Variants in HECA observed in about 807,000 individuals in gnomAD.
HECA encodes headcase protein homolog.
HECA carries 13 observed loss-of-function variants against 37.6 expected under a neutral mutation model. The observed-to-expected ratio is 0.35, with a 90% CI of 0.23 to 0.55. HECA has a LOEUF of 0.55. Among genes scored for constraint, HECA ranks in the 20% least tolerant of loss-of-function variants. The pLI is 0.90. For missense variants in HECA, 527 were observed against 701.9 expected (o/e 0.75, Z 2.82); for synonymous variants, 307 against 291.5 (o/e 1.05, Z -0.54).
intron 1 of HECA, among the ~76,000 whole-genome samples, chr6:139,141,780 G>A (rs1328332674): frequency 5.5e-5 from 8 of 145,554 alleles, no homozygotes; most frequent in Non-Finnish European, 8.9e-5. Context: ...TTGAGACAGA[G>A]TCTCACTATG....
chr6:139,135,638 G>T lies in HECA; in HGVS notation c.242G>T (p.Gly81Val). 2 of 974,624 alleles carry T rather than the reference G, an allele frequency of 2.1e-6. No individual in the cohort carries two copies. Among genetic ancestry groups the T allele is most frequent in the South Asian group, 9.4e-5 (2 of 21,354 alleles). 60.4% of individuals were successfully genotyped at this position (974,624 alleles called of 1,614,324 possible). The stretch of plus-strand genomic sequence containing the variant: ...GCCGCGAACGCTGCGGCCGCCGCGG[G>T]GGCTGCGGCCGCGGGCGATGCCAAA... ...TGAANAAAAA[G>V]AAAAGDAKNE... The change falls in exon 1 of 4, where the codon GGG becomes GTG. Residue 81 changes from glycine to valine, a missense_variant. By Grantham distance (109) the Gly-to-Val change is moderately radical. Around this residue, in one of 4 missense-constraint regions of HECA, gnomAD observed 172 missense variants for 197.6 expected, o/e 0.87. Coordinates refer to ENST00000367658, the MANE Select transcript of HECA (RefSeq NM_016217.3).
intron 1 of HECA, among the ~76,000 whole-genome samples, chr6:139,164,873 G>C (rs1182981287): frequency 6.9e-6 from 1 of 145,306 alleles, no homozygotes; most frequent in African/African-American, 2.6e-5. Flanking sequence ...CCTGCACTAT[G>C]AGACTCTCAG....
intron 1 of HECA, among the ~76,000 whole-genome samples, chr6:139,137,708 T>C (rs1774467446): frequency 6.6e-6 from 1 of 150,650 alleles, no homozygotes; most frequent in South Asian, 2.1e-4. Context: ...AAAAGATTAG[T>C]CCAATTTAAG....
At chr6:139,142,328 A>G (rs946036040) in intron 1 of HECA, among the ~76,000 whole-genome samples, 1 of 152,148 alleles carries the variant, frequency 6.6e-6, no homozygotes, top group African/African-American at 2.4e-5. Flanking sequence ...AAACCACAGC[A>G]TGTACTTAGG....
chr6:139,172,641 A>G (rs577138894), intron 2 of HECA, among the ~76,000 whole-genome samples: 2 of 152,182 alleles, frequency 1.3e-5, no homozygotes, highest in Non-Finnish European at 2.9e-5. Flanking sequence ...GGTCAGGACA[A>G]TGTGTAGCAG....
chr6:139,142,064 C>T (rs1774521142), intron 1 of HECA, among the ~76,000 whole-genome samples: 2 of 151,368 alleles, frequency 1.3e-5, no homozygotes, highest in South Asian at 4.2e-4. Context: ...GTAGCTGGGA[C>T]TACAGGCACC....
At chr6:139,169,527 A>C (rs1774942980) in intron 2 of HECA, 1 of 152,218 alleles carries the variant, frequency 6.6e-6, no homozygotes, top group African/African-American at 2.4e-5. Flanking sequence ...TGAGAATTGT[A>C]CCTAACTCCC....
rs1774415179 is a variant in HECA at position 139,135,265 on chromosome 6, G to C, written c.-132G>C. Reference sequence around the variant, plus strand: ...CGGCACGGGCCGTGCGGCTAGACGGGAGCCGAGGGAACCGCCGGCTCGCGC... The same window carrying C: ...CGGCACGGGCCGTGCGGCTAGACGGCAGCCGAGGGAACCGCCGGCTCGCGC... On this transcript the variant is annotated 5_prime_UTR_variant, in exon 1 of 4. Coordinates refer to ENST00000367658, the MANE Select transcript of HECA (RefSeq NM_016217.3). The C allele has an allele frequency of 1.4e-6, 1 of 706,002 alleles. No homozygotes were observed. Among genetic ancestry groups the C allele is most frequent in the African/African-American group, 1.9e-5 (1 of 51,420 alleles). 43.7% of individuals were successfully genotyped at this position (706,002 alleles called of 1,614,324 possible).
intron 1 of HECA, among the ~76,000 whole-genome samples, chr6:139,137,445 G>C (rs575795962): frequency 6.6e-6 from 1 of 152,236 alleles, no homozygotes; most frequent in East Asian, 1.9e-4. Context: ...CTCACAAAGA[G>C]TGCATGAACA....
At chr6:139,151,758 C>G (rs1582938685) in intron 1 of HECA, among the ~76,000 whole-genome samples, 1 of 152,160 alleles carries the variant, frequency 6.6e-6, no homozygotes, top group Admixed American at 6.5e-5. Flanking sequence ...TTTAAGTACT[C>G]TAAGGATTAA....
chr6:139,143,882 A>G (rs1582935668), intron 1 of HECA, among the ~76,000 whole-genome samples: 1 of 152,012 alleles, frequency 6.6e-6, no homozygotes, highest in Admixed American at 6.5e-5. Flanking sequence ...AAAAAAAGAA[A>G]GAAAGAAATG....
chr6:139,145,826 G>A (rs1018568958), intron 1 of HECA, among the ~76,000 whole-genome samples: 1 of 152,108 alleles, frequency 6.6e-6, no homozygotes, highest in Non-Finnish European at 1.5e-5. Flanking sequence ...ATAGTTTGGT[G>A]GTAATATCAG....
chr6:139,154,920 AATACAGTACTAAAGACTGAC>A (rs71791706), intron 1 of HECA, among the ~76,000 whole-genome samples: 14,099 of 152,292 alleles, frequency 0.093, 954 homozygotes, highest in Admixed American at 0.19. Context: ...ATAATATTGG[AATACAGTACTAAAGACTGAC>A]ATGAAGTCTT....
chr6:139,141,919 ATTTTTTT>A (rs11345845), intron 1 of HECA, among the ~76,000 whole-genome samples: 3 of 48,782 alleles, frequency 6.1e-5, no homozygotes, highest in East Asian at 5.6e-4. Context: ...TGCCCAGCTA[ATTTTTTT>A]TTTTTTTTTT....
intron 1 of HECA, among the ~76,000 whole-genome samples, chr6:139,164,191 G>C (rs909573518): frequency 6.6e-6 from 1 of 151,842 alleles, no homozygotes; most frequent in South Asian, 2.1e-4. Context: ...TTCCAGTCCC[G>C]TGCCCCACGC....
intron 1 of HECA, among the ~76,000 whole-genome samples, chr6:139,155,094 C>T (rs1774696299): frequency 6.6e-6 from 1 of 152,168 alleles, no homozygotes; most frequent in Non-Finnish European, 1.5e-5. Context: ...ATAGAGTGTA[C>T]TTATACAAAG....
At position 139,179,481 on chromosome 6, in the gene HECA, T is replaced by A. The variant is rs1582954046; in HGVS notation, c.*2376T>A. The A allele has an allele frequency of 6.6e-6, 1 of 152,302 alleles. No homozygotes were observed. The highest frequency in any genetic ancestry group is 1.5e-5 in the Non-Finnish European group (1 of 68,028). 9.4% of individuals were successfully genotyped at this position (152,302 alleles called of 1,614,324 possible). A position where few individuals can be genotyped will look rare whatever the true frequency, so the allele number is the denominator to read the frequency against. On this transcript the variant is annotated 3_prime_UTR_variant, in exon 4 of 4. Coordinates refer to ENST00000367658, the MANE Select transcript of HECA (RefSeq NM_016217.3). ...CAATAAATAGGATGAGGTTTTACTG[T>A]AATTGGGTAAAGTTTACTCTTGGAC...
intron 1 of HECA, among the ~76,000 whole-genome samples, chr6:139,143,482 A>G (rs1301300683): frequency 5.3e-5 from 8 of 152,206 alleles, no homozygotes; most frequent in Admixed American, 2.0e-4. Flanking sequence ...CTTTCTTATC[A>G]TAGTTTACTG....
At chr6:139,158,726 A>T (rs1774753511) in intron 1 of HECA, among the ~76,000 whole-genome samples, 1 of 151,748 alleles carries the variant, frequency 6.6e-6, no homozygotes, top group Admixed American at 6.6e-5. Context: ...TGTTCTAACT[A>T]CTTTAATAAC....
Sources: allele counts gnomAD v4.1 joint callset (sites outside exome capture counted in the v4.1 genomes callset), GRCh38; gene constraint gnomAD v4.1.1; regional missense constraint gnomAD v4.1.1; transcripts MANE v1.5; gene names NCBI Gene and HGNC (gene_info 2026-07-23, HGNC 2026-07-21).